The following SLC22A3 variants were observed in gnomAD, a reference collection of about 807,000 sequenced individuals.
SLC22A3 encodes the protein solute carrier family 22 member 3.
In SLC22A3, 51 loss-of-function variants were observed where a neutral mutation model predicts 59.1. The ratio of observed to expected loss-of-function variants is 0.86; its 90% CI spans 0.69 to 1.09. The LOEUF is 1.09. SLC22A3 is among the 50% of genes least tolerant of loss of function. The pLI is 0.00. For synonymous variants in SLC22A3, 325 were observed against 292.0 expected, an observed-to-expected ratio of 1.11 and a Z score of -1.15; for missense variants, 711 against 726.3, an observed-to-expected ratio of 0.98 and a Z score of 0.24.
chr6:160,388,820 G>A (rs899914971), intron 1 of SLC22A3, among the ~76,000 whole-genome samples: 13 of 152,184 alleles, frequency 8.5e-5, no homozygotes, highest in African/African-American at 2.7e-4. Flanking sequence ...ACAAGAATAA[G>A]TATGATGAAA....
At chr6:160,400,650 G>T (rs559428467) in intron 2 of SLC22A3, among the ~76,000 whole-genome samples, 2 of 62,662 alleles carry the variant, frequency 3.2e-5, no homozygotes, top group East Asian at 1.9e-3. Context: ...CATACTAAAA[G>T]CCAAAACACA....
intron 5 of SLC22A3, chr6:160,426,326 T>C: frequency 3.0e-6 from 3 of 985,342 alleles, no homozygotes; most frequent in Non-Finnish European, 3.6e-6. Context: ...GTGGTTCTTG[T>C]GGTTTTGGTT....
At position 160,348,848 on chromosome 6, in the gene SLC22A3, G is replaced by A. The variant is rs1407175997; in HGVS notation, c.429G>A (p.Glu143=). ...YAQAHSTIVS[E]FDLVCVNAWM... is the part of the protein sequence containing the mutation. ...AGGCCCACTCCACCATCGTCAGCGA[G>A]GTAAGGGCGCCCCGGCCCTTTGGAA... Residue 143 remains glutamate, a splice_region_variant and synonymous_variant, in exon 1 of 11, where the codon GAG becomes GAA. Coordinates refer to ENST00000275300, the MANE Select transcript of SLC22A3 (RefSeq NM_021977.4). 6.3e-7 allele frequency: 1 copy of A among 1,582,116 alleles called. No individual in the cohort carries two copies. The highest frequency in any genetic ancestry group is 8.5e-7 in the Non-Finnish European group (1 of 1,172,538).
intron 1 of SLC22A3, 26 bp downstream of exon 1, chr6:160,348,874 GC>G (rs1784566998): frequency 2.6e-6 from 4 of 1,553,408 alleles, no homozygotes; most frequent in Non-Finnish European, 3.5e-6. Context: ...CCCTTTGGAA[GC>G]CGGCGGGAGA....
At chr6:160,402,699 C>T (rs914016850) in intron 2 of SLC22A3, among the ~76,000 whole-genome samples, 2 of 151,644 alleles carry the variant, frequency 1.3e-5, no homozygotes, top group Admixed American at 1.3e-4. Context: ...ACAATCTCTG[C>T]TCCCAGAACA....
chr6:160,447,369 C>T (rs905359381), intron 9 of SLC22A3, among the ~76,000 whole-genome samples: 2 of 152,132 alleles, frequency 1.3e-5, no homozygotes, highest in Non-Finnish European at 2.9e-5. Context: ...TGTCAGTGAG[C>T]GGGCGCAGAG....
chr6:160,440,481 T>C (rs1451758303), intron 7 of SLC22A3, among the ~76,000 whole-genome samples: 3 of 152,208 alleles, frequency 2.0e-5, no homozygotes, highest in Non-Finnish European at 4.4e-5. Context: ...TCATCTCTAG[T>C]AGCTTGACCA....
At chr6:160,369,790 G>A (rs1000416699) in intron 1 of SLC22A3, among the ~76,000 whole-genome samples, 8 of 152,094 alleles carry the variant, frequency 5.3e-5, no homozygotes, top group Non-Finnish European at 4.4e-5. Flanking sequence ...ATCTCAAAAC[G>A]TAGTGATTTA....
At chr6:160,383,058 C>A (rs73589298) in intron 1 of SLC22A3, among the ~76,000 whole-genome samples, 3,056 of 152,188 alleles carry the variant, frequency 0.02, 76 homozygotes, top group African/African-American at 0.07. Context: ...CACACAAAAT[C>A]CAAGCTCTGC....
At chr6:160,350,790 A>G (rs140153244) in intron 1 of SLC22A3, among the ~76,000 whole-genome samples, 4 of 152,164 alleles carry the variant, frequency 2.6e-5, no homozygotes, top group Non-Finnish European at 4.4e-5. Context: ...GGGTTACAAT[A>G]AGGTGATTTT....
chr6:160,442,737 C>A (rs748284851), intron 7 of SLC22A3, 24 bp from the exon 8 acceptor site: 42 of 1,561,734 alleles, frequency 2.7e-5, no homozygotes, highest in Non-Finnish European at 3.4e-5. Flanking sequence ...TAACTCCTCC[C>A]TTTCAAACTT....
At chr6:160,375,562 T>C (rs1175160969) in intron 1 of SLC22A3, among the ~76,000 whole-genome samples, 1 of 152,164 alleles carries the variant, frequency 6.6e-6, no homozygotes, top group African/African-American at 2.4e-5. Context: ...TATACCAGTT[T>C]CAGAAAGTGC....
intron 7 of SLC22A3, among the ~76,000 whole-genome samples, chr6:160,438,775 C>A (rs1788441400): frequency 6.6e-6 from 1 of 152,122 alleles, no homozygotes; most frequent in Non-Finnish European, 1.5e-5. Context: ...GACATTTATG[C>A]TCTCAGGGGT....
At position 160,426,408 on chromosome 6, in the gene SLC22A3, C is replaced by A; in HGVS notation, c.976-10372C>A. The A allele has an allele frequency of 3.2e-6, 3 of 937,366 alleles. No individual in the cohort carries two copies. In the South Asian group the frequency reaches 1.5e-4, roughly 46 times the overall value. 58.1% of individuals were successfully genotyped at this position (937,366 alleles called of 1,614,324 possible). On this transcript the variant is annotated intron_variant, in intron 5 of 10. Coordinates refer to ENST00000275300, the MANE Select transcript of SLC22A3 (RefSeq NM_021977.4). ...ATGGCTCAGGCATCATTGGGCTGTG[C>A]AACACTCGTCTCATGTCCTACTTGA... is the stretch of plus-strand genomic sequence containing the variant.
At chr6:160,390,389 C>T (rs1189622532) in intron 1 of SLC22A3, among the ~76,000 whole-genome samples, 2 of 152,152 alleles carry the variant, frequency 1.3e-5, no homozygotes, top group Non-Finnish European at 2.9e-5. Flanking sequence ...TCTGCAAAGT[C>T]TAGTGGAATA....
chr6:160,432,953 T>C (rs1227102686), intron 5 of SLC22A3, among the ~76,000 whole-genome samples: 1 of 152,182 alleles, frequency 6.6e-6, no homozygotes, highest in Non-Finnish European at 1.5e-5. Flanking sequence ...TAGTAGTATC[T>C]GTACAAGTTT....
At chr6:160,449,445 T>C (rs1354292962) in intron 10 of SLC22A3, among the ~76,000 whole-genome samples, 1 of 152,174 alleles carries the variant, frequency 6.6e-6, no homozygotes, top group Non-Finnish European at 1.5e-5. Context: ...AAAAAAAATA[T>C]AGTAGAAGTA....
Position 160,407,056 on chromosome 6 carries a change from C to A in SLC22A3, c.549C>A (p.Val183=), listed in dbSNP as rs2114851784. The change falls in exon 3 of 11, where the codon GTC becomes GTA. Residue 183 remains valine (V), a synonymous_variant. Coordinates refer to ENST00000275300, the MANE Select transcript of SLC22A3 (RefSeq NM_021977.4). ...GYAADRYGRI[V]IYLLSCLGVG... The stretch of plus-strand genomic sequence containing the variant: ...TCTCAAAAAGGTATGGCAGGATCGT[C>A]ATTTACTTGCTATCCTGCCTTGGTG... 3 of 1,613,000 alleles carry A rather than the reference C, an allele frequency of 1.9e-6. No individual in the cohort carries two copies. Among genetic ancestry groups the A allele is most frequent in the Non-Finnish European group, 2.5e-6 (3 of 1,179,448 alleles).
At chr6:160,378,596 A>ACC (rs1403222010) in intron 1 of SLC22A3, among the ~76,000 whole-genome samples, 1 of 152,216 alleles carries the variant, frequency 6.6e-6, no homozygotes, top group African/African-American at 2.4e-5. Flanking sequence ...GTGGACAGTA[A>ACC]TATATAGAGG....
Sources: allele counts gnomAD v4.1 joint callset (sites outside exome capture counted in the v4.1 genomes callset), GRCh38; gene constraint gnomAD v4.1.1; transcripts MANE v1.5; gene names NCBI Gene and HGNC (gene_info 2026-07-23, HGNC 2026-07-21).